Variants in RWDD4 observed in about 807,000 individuals in gnomAD.
RWDD4 encodes RWD domain-containing protein 4.
RWDD4 carries 16 observed loss-of-function variants against 30.0 expected under a neutral mutation model. The ratio of observed to expected loss-of-function variants is 0.53; its 90% CI spans 0.36 to 0.81. RWDD4 has a LOEUF of 0.81. Among genes scored for constraint, RWDD4 ranks in the 30% least tolerant of loss-of-function variants. The pLI is 0.00. For synonymous variants in RWDD4, 45 were observed against 72.1 expected (o/e 0.62, Z 1.90); for missense variants, 170 against 223.9 (o/e 0.76, Z 1.54).
chr4:183,656,070 C>G, intron 1 of RWDD4, 109 bp from the exon 2 acceptor site: 1 of 690,794 alleles, frequency 1.4e-6, no homozygotes, highest in Non-Finnish European at 2.5e-6. Context: ...GCTTGACTAA[C>G]TTATATAACC....
chr4:183,643,415 CAAAAAAAAAAAAAA>C (rs56730708), intron 7 of RWDD4, among the ~76,000 whole-genome samples: 22 of 22,664 alleles, frequency 9.7e-4, no homozygotes, highest in African/African-American at 3.4e-3. Context: ...GACTCTATCT[CAAAAAAAAAAAAAA>C]AAAAAAAAAA....
chr4:183,649,708 A>T, intron 4 of RWDD4, 140 bp from the exon 5 acceptor site: 3 of 489,842 alleles, frequency 6.1e-6, no homozygotes, highest in Non-Finnish European at 7.2e-6. Flanking sequence ...TCATTTTTAA[A>T]ATCAAGTGCC....
At chr4:183,653,723 A>G (rs1734128060) in intron 2 of RWDD4, 1 of 152,234 alleles carries the variant, frequency 6.6e-6, no homozygotes, top group Non-Finnish European at 1.5e-5. Flanking sequence ...TTATGTTTAA[A>G]TATAGATGAT....
chr4:183,649,443 A>C lies in RWDD4; in HGVS notation c.481+8T>G, dbSNP rs768098499. 5.1e-6 allele frequency: 8 copies of C among 1,553,762 alleles called. No homozygotes were observed. In the South Asian group the frequency reaches 9.1e-5, roughly 18 times the overall value. On this transcript the variant is annotated splice_region_variant and intron_variant, in intron 5 of 7. Coordinates refer to ENST00000326397, the MANE Select transcript of RWDD4 (RefSeq NM_152682.4). ...AAAGAAAAGAAAAGAAAAGAAACACACACAAACCTGTTTTGTCTGCCAGCT... is the reference window on the plus strand; with the variant it reads ...AAAGAAAAGAAAAGAAAAGAAACACCCACAAACCTGTTTTGTCTGCCAGCT...
intron 1 of RWDD4, 186 bp from the exon 2 acceptor site, chr4:183,656,147 T>G: frequency 1.9e-6 from 1 of 519,438 alleles, no homozygotes; most frequent in Non-Finnish European, 3.5e-6. Context: ...ATACTTACTT[T>G]CAAACTCTGT....
chr4:183,648,587 A>G (rs1449957986), intron 5 of RWDD4, among the ~76,000 whole-genome samples: 3 of 152,240 alleles, frequency 2.0e-5, no homozygotes, highest in Admixed American at 6.5e-5. Flanking sequence ...AAAATGTTAA[A>G]TTACTTATCA....
At chr4:183,649,243 G>A (rs1396268194) in intron 5 of RWDD4, among the ~76,000 whole-genome samples, 2 of 151,968 alleles carry the variant, frequency 1.3e-5, no homozygotes, top group African/African-American at 2.4e-5. Context: ...GTGAAACCCC[G>A]TCTCTACTAA....
At chr4:183,648,136 C>T (rs538792978) in intron 5 of RWDD4, among the ~76,000 whole-genome samples, 2 of 151,224 alleles carry the variant, frequency 1.3e-5, no homozygotes, top group East Asian at 3.9e-4. Context: ...CTCAGCTACT[C>T]GGGAGGCTGA....
At position 183,646,350 on chromosome 4, in the gene RWDD4, C is replaced by A. The variant is rs751089970; in HGVS notation, c.534+1G>T. The A allele has an allele frequency of 2.4e-5, 25 of 1,029,228 alleles. No homozygotes were observed. Among genetic ancestry groups the A allele is most frequent in the Non-Finnish European group, 3.9e-5 (25 of 649,346 alleles). 63.8% of individuals were successfully genotyped at this position (1,029,228 alleles called of 1,614,324 possible). A position where few individuals can be genotyped will look rare whatever the true frequency, so the allele number is the denominator to read the frequency against. Reference sequence around the variant, plus strand: ...GTAAAAGGTATTTCAAAAATACTTACATGCTGAATGTAAAAAAGGAAACAG... The same window carrying A: ...GTAAAAGGTATTTCAAAAATACTTAAATGCTGAATGTAAAAAAGGAAACAG... On this transcript the variant is annotated splice_donor_variant, in intron 7 of 7. Transcript: ENST00000326397. LOFTEE classifies it high-confidence loss of function.
intron 1 of RWDD4, 134 bp downstream of exon 1, chr4:183,658,795 A>C (rs891719589): frequency 1.3e-6 from 1 of 743,334 alleles, no homozygotes; most frequent in African/African-American, 1.8e-5. Context: ...ACGCCGGTGA[A>C]CTCGGGGCAC....
rs79681715 is a variant in RWDD4, at chr4:183,641,654, T to C, written c.535-186A>G. ...TTCAAACGGGTTTCAAAATGTAACC[T>C]TGACAAAAATCTAAACTCAACAGAA... On this transcript the variant is annotated intron_variant, in intron 7 of 7. Coordinates refer to ENST00000326397, the MANE Select transcript of RWDD4 (RefSeq NM_152682.4). Among the ~76,000 whole-genome samples, 3,100 of 152,214 alleles carry C rather than the reference T, an allele frequency of 0.02. 94 individuals are homozygous for C. Among genetic ancestry groups the C allele is most frequent in the East Asian group, 0.13 (680 of 5,164 alleles).
chr4:183,649,505 C>G lies in RWDD4; in HGVS notation c.427G>C (p.Asp143His). 1 of 1,612,028 alleles carries G rather than the reference C, an allele frequency of 6.2e-7. No individual in the cohort carries two copies. Among genetic ancestry groups the G allele is most frequent in the Non-Finnish European group, 8.5e-7 (1 of 1,178,906 alleles). ...GCTTTTGAAAGTTGTTCTTTTTTGT[C>G]TTTTTTCTTACTTGATGGGGCTGTA... ...PNTAPSSKKK[D>H]KKEQLSKAQK... Residue 143 changes from aspartate to histidine, a missense_variant, in exon 5 of 8, where the codon GAC (aspartate) becomes CAC (histidine). Asp to His is a moderately conservative substitution (Grantham distance 81). Coordinates refer to ENST00000326397, the MANE Select transcript of RWDD4 (RefSeq NM_152682.4).
chr4:183,645,296 A>G (rs1218942038), intron 7 of RWDD4, among the ~76,000 whole-genome samples: 1 of 152,252 alleles, frequency 6.6e-6, no homozygotes, highest in Non-Finnish European at 1.5e-5. Context: ...TCCTACAAAG[A>G]GAATTAATTT....
chr4:183,648,868 C>CA (rs1425233133), intron 5 of RWDD4, among the ~76,000 whole-genome samples: 6 of 149,964 alleles, frequency 4.0e-5, no homozygotes, highest in Admixed American at 6.7e-5. Context: ...TTTTTTGAGA[C>CA]AGAGTTTTGC....
intron 2 of RWDD4, among the ~76,000 whole-genome samples, chr4:183,653,210 T>C (rs2111247338): frequency 6.6e-6 from 1 of 152,330 alleles, no homozygotes; most frequent in African/African-American, 2.4e-5. Context: ...GACACTAAGA[T>C]TGATCACATG....
intron 2 of RWDD4, among the ~76,000 whole-genome samples, chr4:183,654,833 G>A (rs963461955): frequency 1.3e-5 from 2 of 152,116 alleles, no homozygotes; most frequent in Non-Finnish European, 2.9e-5. Flanking sequence ...GTCATCCATC[G>A]ATCATGCATA....
At chr4:183,650,752 G>A (rs936529476) in intron 4 of RWDD4, among the ~76,000 whole-genome samples, 13 of 138,130 alleles carry the variant, frequency 9.4e-5, no homozygotes, top group African/African-American at 3.4e-4. Context: ...TGGTGGGCAT[G>A]TTATATATAT....
intron 2 of RWDD4, among the ~76,000 whole-genome samples, chr4:183,654,107 T>C (rs1734136498): frequency 6.6e-6 from 1 of 151,964 alleles, no homozygotes; most frequent in African/African-American, 2.4e-5. Context: ...TGCAAAAGCA[T>C]AGTACTAGAA....
At chr4:183,643,356 C>G (rs1381443202) in intron 7 of RWDD4, among the ~76,000 whole-genome samples, 3 of 120,460 alleles carry the variant, frequency 2.5e-5, no homozygotes, top group African/African-American at 9.7e-5. Context: ...GCAGAGGTTG[C>G]ACTGACCTGA....
Sources: allele counts gnomAD v4.1 joint callset (sites outside exome capture counted in the v4.1 genomes callset), GRCh38; gene constraint gnomAD v4.1.1; transcripts MANE v1.5; gene names NCBI Gene and HGNC (gene_info 2026-07-23, HGNC 2026-07-21).